Variants in KCNH7 observed in about 807,000 individuals in gnomAD.
The protein encoded by KCNH7 is voltage-gated inwardly rectifying potassium channel KCNH7.
A neutral mutation model predicts 120.8 loss-of-function variants in KCNH7; 49 were observed. The observed-to-expected ratio is 0.41, with a 90% CI of 0.32 to 0.51. The LOEUF (loss-of-function observed/expected upper bound fraction) is 0.51, where lower values mean the gene tolerates loss of function less well. Among genes scored for constraint, KCNH7 ranks in the 20% least tolerant of loss-of-function variants. KCNH7 has a pLI of 0.38. For missense variants in KCNH7, 1,097 were observed against 1,446.6 expected, an observed-to-expected ratio of 0.76 and a Z score of 3.92; for synonymous variants, 547 against 516.1, an observed-to-expected ratio of 1.06 and a Z score of -0.81.
intron 6 of KCNH7, among the ~76,000 whole-genome samples, chr2:162,452,054 T>C (rs1688791963): frequency 6.6e-6 from 1 of 152,096 alleles, no homozygotes; most frequent in Non-Finnish European, 1.5e-5. Flanking sequence ...ATTATAGTTA[T>C]GTGCTTTTAA....
chr2:162,673,620 A>T (rs1441762994), intron 2 of KCNH7, among the ~76,000 whole-genome samples: 1 of 152,060 alleles, frequency 6.6e-6, no homozygotes, highest in African/African-American at 2.4e-5. Flanking sequence ...TGTCCCAGTT[A>T]GGGGTTGCTC....
At chr2:162,515,713 T>C (rs1691262784) in intron 4 of KCNH7, among the ~76,000 whole-genome samples, 2 of 151,816 alleles carry the variant, frequency 1.3e-5, no homozygotes, top group African/African-American at 4.8e-5. Flanking sequence ...TCAGGAAATA[T>C]TGAGCCTGCC....
intron 2 of KCNH7, among the ~76,000 whole-genome samples, chr2:162,713,664 A>G (rs1687005543): frequency 6.6e-6 from 1 of 152,210 alleles, no homozygotes; most frequent in African/African-American, 2.4e-5. Flanking sequence ...AAAAATAAAG[A>G]TGATTTGAAA....
intron 2 of KCNH7, among the ~76,000 whole-genome samples, chr2:162,761,238 G>C (rs1368601406): frequency 6.6e-6 from 1 of 152,010 alleles, no homozygotes; most frequent in African/African-American, 2.4e-5. Flanking sequence ...TTCTACTGTA[G>C]GCATTGAATA....
intron 6 of KCNH7, among the ~76,000 whole-genome samples, chr2:162,469,905 C>T (rs547033714): frequency 4.5e-4 from 69 of 152,358 alleles, no homozygotes; most frequent in Admixed American, 2.4e-3. Context: ...GACGGGGTTT[C>T]GCTGTCTTGG....
chr2:162,726,700 G>A (rs146381328), intron 2 of KCNH7, among the ~76,000 whole-genome samples: 413 of 152,300 alleles, frequency 2.7e-3, no homozygotes, highest in African/African-American at 9.7e-3. Context: ...GATAACAGCC[G>A]TGAGACATGG....
chr2:162,558,113 C>T (rs1692923364), intron 2 of KCNH7, among the ~76,000 whole-genome samples: 1 of 151,938 alleles, frequency 6.6e-6, no homozygotes, highest in Non-Finnish European at 1.5e-5. Flanking sequence ...AGTTATGTGA[C>T]ATCCATACAG....
intron 2 of KCNH7, among the ~76,000 whole-genome samples, chr2:162,765,587 C>A (rs1192897676): frequency 6.6e-6 from 1 of 151,906 alleles, no homozygotes; most frequent in Non-Finnish European, 1.5e-5. Context: ...TAAAAGATAA[C>A]AAAAAATGTT....
chr2:162,730,243 G>C (rs1282226609), intron 2 of KCNH7, among the ~76,000 whole-genome samples: 1 of 151,342 alleles, frequency 6.6e-6, no homozygotes, highest in Non-Finnish European at 1.5e-5. Flanking sequence ...GAATGGAAAA[G>C]AGTCAATATT....
chr2:162,750,414 T>C (rs758503840), intron 2 of KCNH7, among the ~76,000 whole-genome samples: 4 of 150,316 alleles, frequency 2.7e-5, no homozygotes, highest in Non-Finnish European at 5.9e-5. Context: ...GACTTAGCAA[T>C]TCTGGATAGA....
At chr2:162,432,934 G>T (rs1222428243) in intron 8 of KCNH7, among the ~76,000 whole-genome samples, 1 of 151,968 alleles carries the variant, frequency 6.6e-6, no homozygotes, top group African/African-American at 2.4e-5. Flanking sequence ...AATGATAAAT[G>T]TCTTCAGTAA....
intron 13 of KCNH7, among the ~76,000 whole-genome samples, chr2:162,382,735 A>T (rs1686456141): frequency 6.6e-6 from 1 of 152,020 alleles, no homozygotes; most frequent in Admixed American, 6.6e-5. Flanking sequence ...CTGCAGCAGC[A>T]ACAAGTCACA....
intron 2 of KCNH7, among the ~76,000 whole-genome samples, chr2:162,816,731 G>A (rs1684928881): frequency 6.6e-6 from 1 of 152,142 alleles, no homozygotes; most frequent in Admixed American, 6.5e-5. Context: ...AATATGAAAG[G>A]AAAGTGGGAA....
intron 8 of KCNH7, among the ~76,000 whole-genome samples, chr2:162,431,829 AAAGG>A (rs935472776): frequency 6.6e-6 from 1 of 151,950 alleles, no homozygotes; most frequent in Non-Finnish European, 1.5e-5. Context: ...AGGAAAGAAA[AAAGG>A]AAGGAAGGAA....
intron 3 of KCNH7, among the ~76,000 whole-genome samples, chr2:162,523,521 C>A (rs541414718): frequency 6.6e-6 from 1 of 151,842 alleles, no homozygotes; most frequent in East Asian, 2.0e-4. Flanking sequence ...CATCCATCTG[C>A]TGCTACTATA....
At chr2:162,700,475 T>C (rs1686456644) in intron 2 of KCNH7, among the ~76,000 whole-genome samples, 1 of 152,156 alleles carries the variant, frequency 6.6e-6, no homozygotes, top group African/African-American at 2.4e-5. Flanking sequence ...GAAATGTATC[T>C]TTTTGGTACG....
intron 2 of KCNH7, among the ~76,000 whole-genome samples, chr2:162,550,384 G>A (rs1692628815): frequency 2.0e-5 from 3 of 152,116 alleles, no homozygotes; most frequent in Non-Finnish European, 4.4e-5. Flanking sequence ...TTCTTGTTGG[G>A]TTTCAAGCAG....
chr2:162,783,539 G>A (rs1683582819), intron 2 of KCNH7, among the ~76,000 whole-genome samples: 1 of 152,146 alleles, frequency 6.6e-6, no homozygotes, highest in African/African-American at 2.4e-5. Context: ...TTTATAGCTT[G>A]ATCCAAGGTT....
intron 6 of KCNH7, among the ~76,000 whole-genome samples, chr2:162,469,314 A>G (rs35696140): frequency 0.17 from 25,289 of 152,200 alleles, 2,209 homozygotes; most frequent in East Asian, 0.26. Flanking sequence ...GTAAACACCA[A>G]TTGAACAACT....
Sources: allele counts gnomAD v4.1 joint callset (sites outside exome capture counted in the v4.1 genomes callset), GRCh38; gene constraint gnomAD v4.1.1; transcripts MANE v1.5; gene names NCBI Gene and HGNC (gene_info 2026-07-23, HGNC 2026-07-21).